The following SLC22A23 variants were observed in gnomAD, a reference collection of about 807,000 sequenced individuals.
SLC22A23 encodes solute carrier family 22 member 23.
In SLC22A23, 26 loss-of-function variants were observed where a neutral mutation model predicts 61.0. The ratio of observed to expected loss-of-function variants is 0.43; its 90% CI spans 0.31 to 0.59. The LOEUF (loss-of-function observed/expected upper bound fraction) is 0.59, where lower values mean the gene tolerates loss of function less well. Among genes scored for constraint, SLC22A23 ranks in the 20% least tolerant of loss-of-function variants. SLC22A23 has a pLI of 0.11. For missense variants in SLC22A23, 796 were observed against 934.7 expected (o/e 0.85, Z 1.94); for synonymous variants, 430 against 413.9 (o/e 1.04, Z -0.47).
rs1163840651 is a variant in SLC22A23, at chr6:3,345,363, C to CTTT, written c.914-21364_914-21362dup. Among the ~76,000 whole-genome samples, 139 of 124,756 alleles carry CTTT rather than the reference C, an allele frequency of 1.1e-3. 3 individuals are homozygous for CTTT. The highest frequency in any genetic ancestry group is 2.2e-3 in the African/African-American group (73 of 32,448). 81.8% of individuals were successfully genotyped at this position (124,756 alleles called of 152,430 possible). A position where few individuals can be genotyped will look rare whatever the true frequency, so the allele number is the denominator to read the frequency against. On this transcript the variant is annotated intron_variant, in intron 3 of 9. Transcript: ENST00000406686. The stretch of plus-strand genomic sequence containing the variant: ...AGTACCAGTAGTTTATATCTCTTTT[C>CTTT]TTTTTTTTTTTTTTTTTTTGAGACA...
At position 3,272,214 on chromosome 6, in the gene SLC22A23, G is replaced by C. The variant is rs934143271; in HGVS notation, c.*841C>G. The C allele has an allele frequency of 2.6e-5, 4 of 152,638 alleles. No individual in the cohort carries two copies. Among genetic ancestry groups the C allele is most frequent in the African/African-American group, 9.7e-5 (4 of 41,428 alleles). The allele number at this position is 152,638 out of a possible 1,614,324, so 9.5% of individuals were successfully genotyped here. A position where few individuals can be genotyped will look rare whatever the true frequency, so the allele number is the denominator to read the frequency against. ...ATGTTTTCAAGTAGTGCCGGCACAA[G>C]AGCTGCCTGTGCACGAGGGACTTTT... On this transcript the variant is annotated 3_prime_UTR_variant, in exon 10 of 10. Coordinates refer to ENST00000406686, the MANE Select transcript of SLC22A23 (RefSeq NM_015482.2).
At chr6:3,442,867 C>T (rs1157255447) in intron 1 of SLC22A23, among the ~76,000 whole-genome samples, 4 of 151,736 alleles carry the variant, frequency 2.6e-5, no homozygotes, top group African/African-American at 9.7e-5. Flanking sequence ...TACGACTTAA[C>T]ATCCTTAACC....
chr6:3,423,102 C>G (rs1008305381), intron 1 of SLC22A23, among the ~76,000 whole-genome samples: 1 of 151,968 alleles, frequency 6.6e-6, no homozygotes, highest in African/African-American at 2.4e-5. Flanking sequence ...CGCAGTGCAG[C>G]CTTCCCGGTG....
rs1243655901 is a variant in SLC22A23, at chr6:3,304,856, G to A, written c.1083-6638C>T. Among the ~76,000 whole-genome samples the A allele has an allele frequency of 2.0e-5, 3 of 152,150 alleles. No homozygotes were observed. Among genetic ancestry groups the A allele is most frequent in the Non-Finnish European group, 4.4e-5 (3 of 68,028 alleles). On this transcript the variant is annotated intron_variant, in intron 4 of 9. Transcript: ENST00000406686. This position sits in a 1 kb window ranked among gnomAD's most constrained non-coding sequence, Gnocchi z 4.3. ...CAGAGAGCTGCAAGCTGATAAACCC[G>A]AATGCTGGGAATGAGGTGAGAAGAC...
intron 1 of SLC22A23, among the ~76,000 whole-genome samples, chr6:3,428,880 CAA>C (rs769486125): frequency 6.6e-6 from 1 of 152,124 alleles, no homozygotes; most frequent in Non-Finnish European, 1.5e-5. Context: ...TTCAGTGAAA[CAA>C]AGTCAAGCTG....
At chr6:3,278,953 A>G (rs1395328498) in intron 9 of SLC22A23, among the ~76,000 whole-genome samples, 1 of 152,152 alleles carries the variant, frequency 6.6e-6, no homozygotes, top group Non-Finnish European at 1.5e-5. Context: ...ACAGACCCCC[A>G]GGAGGGGTGG....
chr6:3,369,146 C>T (rs756888268), intron 3 of SLC22A23, among the ~76,000 whole-genome samples: 21 of 151,540 alleles, frequency 1.4e-4, no homozygotes, highest in African/African-American at 3.6e-4. Flanking sequence ...TCTAGCATTT[C>T]GTCTAAAGAT....
intron 1 of SLC22A23, among the ~76,000 whole-genome samples, chr6:3,429,524 T>G (rs1048541975): frequency 6.6e-6 from 1 of 152,140 alleles, no homozygotes; most frequent in Non-Finnish European, 1.5e-5. Flanking sequence ...CAGGCGATGA[T>G]TTACACTATG....
At chr6:3,355,034 A>G (rs374198382) in intron 3 of SLC22A23, among the ~76,000 whole-genome samples, 1 of 152,086 alleles carries the variant, frequency 6.6e-6, no homozygotes, top group South Asian at 2.1e-4. Flanking sequence ...AAAAACAATA[A>G]AAGATATTCC....
chr6:3,411,574 T>C (rs1287393343), intron 2 of SLC22A23, among the ~76,000 whole-genome samples: 1 of 152,122 alleles, frequency 6.6e-6, no homozygotes, highest in African/African-American at 2.4e-5. Flanking sequence ...ACTCATTCCA[T>C]TGTGCACTTA....
intron 3 of SLC22A23, among the ~76,000 whole-genome samples, chr6:3,407,854 A>C: frequency 6.6e-6 from 1 of 152,244 alleles, no homozygotes. Context: ...AAATAACACA[A>C]ATTATGGAGG....
chr6:3,341,193 T>A (rs76444927), intron 3 of SLC22A23, among the ~76,000 whole-genome samples: 1 of 152,166 alleles, frequency 6.6e-6, no homozygotes, highest in Non-Finnish European at 1.5e-5. Flanking sequence ...TTGAGATTCA[T>A]TGGAAAGAGG....
intron 4 of SLC22A23, among the ~76,000 whole-genome samples, chr6:3,319,505 A>G (rs4959807): frequency 0.8 from 122,168 of 152,044 alleles, 49,369 homozygotes; most frequent in Non-Finnish European, 0.84. Flanking sequence ...CCTCTGCCCC[A>G]CAATGTGCTT....
chr6:3,332,645 A>C (rs1333158476), intron 3 of SLC22A23, among the ~76,000 whole-genome samples: 1 of 152,190 alleles, frequency 6.6e-6, no homozygotes, highest in African/African-American at 2.4e-5. Flanking sequence ...TCTACTTTTA[A>C]ATACAAATAT....
At chr6:3,385,827 C>A (rs1265731542) in intron 3 of SLC22A23, among the ~76,000 whole-genome samples, 3 of 152,216 alleles carry the variant, frequency 2.0e-5, no homozygotes, top group Admixed American at 2.0e-4. Flanking sequence ...TCAAAACAAA[C>A]AACATTCCTC....
intron 3 of SLC22A23, among the ~76,000 whole-genome samples, chr6:3,388,139 A>G (rs564749787): frequency 6.6e-6 from 1 of 152,348 alleles, no homozygotes; most frequent in South Asian, 2.1e-4. Flanking sequence ...CGCCACAGAA[A>G]CACAGAAGGG....
At chr6:3,274,233 G>A (rs1027707412) in intron 9 of SLC22A23, among the ~76,000 whole-genome samples, 1 of 152,204 alleles carries the variant, frequency 6.6e-6, no homozygotes, top group African/African-American at 2.4e-5. Flanking sequence ...ACACATTACT[G>A]GGACAAAGGT....
intron 3 of SLC22A23, among the ~76,000 whole-genome samples, chr6:3,359,004 G>A (rs1400997504): frequency 5.3e-5 from 8 of 152,162 alleles, no homozygotes; most frequent in African/African-American, 1.4e-4. Flanking sequence ...GCGCTGTGCC[G>A]ATGTCTAATC....
At chr6:3,320,426 T>A (rs1169100279) in intron 4 of SLC22A23, among the ~76,000 whole-genome samples, 1 of 152,160 alleles carries the variant, frequency 6.6e-6, no homozygotes. Flanking sequence ...CAGTCCTTGT[T>A]AAGGTACATG....
Sources: allele counts gnomAD v4.1 joint callset (sites outside exome capture counted in the v4.1 genomes callset), GRCh38; gene constraint gnomAD v4.1.1; non-coding constraint Gnocchi (gnomAD v3.1); transcripts MANE v1.5; gene names NCBI Gene and HGNC (gene_info 2026-07-23, HGNC 2026-07-21).